MYO5B: variants seen among roughly 807,000 people sequenced by gnomAD.
MYO5B encodes unconventional myosin-Vb.
In MYO5B, 143 loss-of-function variants were observed where a neutral mutation model predicts 229.3. The ratio of observed to expected loss-of-function variants is 0.62; its 90% CI spans 0.54 to 0.72. The LOEUF (loss-of-function observed/expected upper bound fraction) is 0.72, where lower values mean the gene tolerates loss of function less well. MYO5B is among the 30% of genes least tolerant of loss of function. MYO5B has a pLI of 0.00. For missense variants in MYO5B, 2,321 were observed against 2,331.0 expected, an observed-to-expected ratio of 1.00 and a Z score of 0.09; for synonymous variants, 918 against 885.2, an observed-to-expected ratio of 1.04 and a Z score of -0.66.
At chr18:50,113,736 A>T (rs2031909337) in intron 1 of MYO5B, among the ~76,000 whole-genome samples, 1 of 152,206 alleles carries the variant, frequency 6.6e-6, no homozygotes, top group South Asian at 2.1e-4. Context: ...AGCTGCTTAG[A>T]GGAGCCCCCT....
At chr18:49,828,687 T>G (rs2023877700) in intron 39 of MYO5B, among the ~76,000 whole-genome samples, 1 of 152,204 alleles carries the variant, frequency 6.6e-6, no homozygotes, top group African/African-American at 2.4e-5. Context: ...TTTAAAAATA[T>G]TAAAGCCATA....
chr18:50,141,168 G>A (rs1047932685), intron 1 of MYO5B, among the ~76,000 whole-genome samples: 4 of 152,280 alleles, frequency 2.6e-5, no homozygotes, highest in African/African-American at 9.6e-5. Context: ...AGGACAACAA[G>A]GAAACAGCTT....
At chr18:50,015,911 G>A (rs1047927289) in intron 4 of MYO5B, among the ~76,000 whole-genome samples, 1 of 152,200 alleles carries the variant, frequency 6.6e-6, no homozygotes, top group Non-Finnish European at 1.5e-5. Flanking sequence ...GATTCTTGCT[G>A]GAACCAGAGT....
chr18:49,932,583 C>T (rs1298683101), intron 16 of MYO5B, among the ~76,000 whole-genome samples: 1 of 152,176 alleles, frequency 6.6e-6, no homozygotes, highest in Non-Finnish European at 1.5e-5. Context: ...TCTCTCTGTA[C>T]CTCATTTTCC....
chr18:49,827,197 T>A (rs557954188), intron 39 of MYO5B, among the ~76,000 whole-genome samples: 1 of 152,314 alleles, frequency 6.6e-6, no homozygotes, highest in Non-Finnish European at 1.5e-5. Flanking sequence ...GGAGACTGAT[T>A]GGTAAAGGGA....
At chr18:50,064,242 T>C (rs2144434355) in intron 1 of MYO5B, 1 of 153,326 alleles carries the variant, frequency 6.5e-6, no homozygotes, top group African/African-American at 2.4e-5. Context: ...CCTAATGGCC[T>C]AAGTGGAAAG....
intron 15 of MYO5B, among the ~76,000 whole-genome samples, chr18:49,936,953 C>T (rs762964026): frequency 6.6e-6 from 1 of 152,164 alleles, no homozygotes; most frequent in South Asian, 2.1e-4. Context: ...ATTCCAGGCC[C>T]TCTTGCCTCC....
chr18:50,121,327 A>G (rs1163142599), intron 1 of MYO5B, among the ~76,000 whole-genome samples: 1 of 152,218 alleles, frequency 6.6e-6, no homozygotes, highest in Non-Finnish European at 1.5e-5. Context: ...TCTAATAAAC[A>G]TTGCTAGAAT....
chr18:50,063,717 G>A (rs1033492347), intron 1 of MYO5B: 1 of 152,134 alleles, frequency 6.6e-6, no homozygotes, highest in African/African-American at 2.4e-5. Flanking sequence ...CACATGCTAT[G>A]GTATCGTATG....
At chr18:49,902,937 G>C (rs2024859913) in intron 20 of MYO5B, 104 bp from the exon 21 acceptor site, 2 of 1,431,246 alleles carry the variant, frequency 1.4e-6, no homozygotes, top group Non-Finnish European at 1.9e-6. Flanking sequence ...GGGCAGCCTT[G>C]GTTCTAGGAG....
intron 1 of MYO5B, among the ~76,000 whole-genome samples, chr18:50,080,069 C>A (rs1255669017): frequency 6.6e-6 from 1 of 152,180 alleles, no homozygotes; most frequent in Non-Finnish European, 1.5e-5. Context: ...TGAATACAAT[C>A]ACATTATTGT....
chr18:49,866,071 C>T (rs1376523764), intron 27 of MYO5B, among the ~76,000 whole-genome samples: 16 of 152,068 alleles, frequency 1.1e-4, no homozygotes, highest in Admixed American at 8.5e-4. Context: ...AGCCATCTAA[C>T]CTATTTTTAT....
At chr18:50,158,174 A>C (rs116843918) in intron 1 of MYO5B, among the ~76,000 whole-genome samples, 1 of 152,212 alleles carries the variant, frequency 6.6e-6, no homozygotes, top group Non-Finnish European at 1.5e-5. Flanking sequence ...AGCAAGCTGT[A>C]TTACTTTTAT....
intron 27 of MYO5B, among the ~76,000 whole-genome samples, chr18:49,871,026 A>G (rs2024450605): frequency 1.3e-5 from 2 of 152,268 alleles, no homozygotes; most frequent in Non-Finnish European, 2.9e-5. Flanking sequence ...CACAATAGCC[A>G]AAACAGAGAA....
intron 14 of MYO5B, among the ~76,000 whole-genome samples, chr18:49,944,190 G>T (rs1386812130): frequency 6.6e-6 from 1 of 152,138 alleles, no homozygotes; most frequent in East Asian, 1.9e-4. Flanking sequence ...AAGCCTCCCA[G>T]TGGTGTAAGC....
At chr18:50,001,949 T>C (rs538184549) in intron 4 of MYO5B, among the ~76,000 whole-genome samples, 5 of 150,362 alleles carry the variant, frequency 3.3e-5, no homozygotes, top group Non-Finnish European at 5.9e-5. Context: ...GGCAGAAGGA[T>C]CGCTTGAACC....
At chr18:49,892,501 T>C (rs1163792566) in intron 22 of MYO5B, among the ~76,000 whole-genome samples, 1 of 152,192 alleles carries the variant, frequency 6.6e-6, no homozygotes, top group Admixed American at 6.5e-5. Context: ...TCAAACTCAT[T>C]AAACATCTAC....
intron 1 of MYO5B, among the ~76,000 whole-genome samples, chr18:50,137,316 C>T (rs1054748291): frequency 6.6e-6 from 1 of 152,232 alleles, no homozygotes; most frequent in Non-Finnish European, 1.5e-5. Flanking sequence ...TATGCCAGCA[C>T]TGTGTAAGGC....
intron 14 of MYO5B, among the ~76,000 whole-genome samples, chr18:49,948,334 ATC>A (rs2025397378): frequency 6.6e-6 from 1 of 152,210 alleles, no homozygotes; most frequent in Non-Finnish European, 1.5e-5. Context: ...GGAGGGAAAA[ATC>A]TCTGACATTT....
Sources: gnomAD v4.1 joint callset for allele counts (sites outside exome capture counted in the v4.1 genomes callset) on GRCh38, gnomAD v4.1.1 for gene constraint, MANE v1.5 for transcripts, NCBI Gene and HGNC (gene_info 2026-07-23, HGNC 2026-07-21) for gene names.